The following ANKRD33B variants were observed in gnomAD, a reference collection of about 807,000 sequenced individuals.
ANKRD33B encodes the protein ankyrin repeat domain-containing protein 33B.
ANKRD33B carries 6 observed loss-of-function variants against 21.5 expected under a neutral mutation model. The observed-to-expected ratio is 0.28, with a 90% CI of 0.15 to 0.55. ANKRD33B has a LOEUF of 0.55. Ranked by LOEUF, ANKRD33B falls within the 20% of genes least tolerant of loss-of-function variation. The probability of loss-of-function intolerance (pLI) is 0.94; values close to 1 mark genes in which losing one functional copy is unlikely to be tolerated. For missense variants in ANKRD33B, 698 were observed against 747.2 expected, an observed-to-expected ratio of 0.93 and a Z score of 0.77; for synonymous variants, 347 against 342.4, an observed-to-expected ratio of 1.01 and a Z score of -0.15.
At chr5:10,566,038 G>T (rs1055341718) in intron 1 of ANKRD33B, among the ~76,000 whole-genome samples, 2 of 152,154 alleles carry the variant, frequency 1.3e-5, no homozygotes, top group Non-Finnish European at 2.9e-5. Flanking sequence ...CTCTCCCCTT[G>T]TACTACATTG....
At position 10,653,936 on chromosome 5, in the gene ANKRD33B, CAGT is replaced by C. The variant is rs1352978760; in HGVS notation, c.*3824_*3826del. 4 of 152,536 alleles carry C rather than the reference CAGT, an allele frequency of 2.6e-5. No homozygotes were observed. Among genetic ancestry groups the C allele is most frequent in the African/African-American group, 9.6e-5 (4 of 41,466 alleles). 9.4% of individuals were successfully genotyped at this position (152,536 alleles called of 1,614,324 possible). A position where few individuals can be genotyped will look rare whatever the true frequency, so the allele number is the denominator to read the frequency against. On this transcript the variant is annotated 3_prime_UTR_variant, in exon 4 of 4. Coordinates refer to ENST00000296657, the MANE Select transcript of ANKRD33B (RefSeq NM_001164440.2). ...GCACCGACCCCTTCTCTTCACCTGT[CAGT>C]GGCCACCACAGTGCCCCCTCTGGCT...
At chr5:10,632,128 C>T (rs1736734219) in intron 2 of ANKRD33B, among the ~76,000 whole-genome samples, 1 of 151,784 alleles carries the variant, frequency 6.6e-6, no homozygotes. Flanking sequence ...GGGGTCGGTT[C>T]AGTCCGTTGG....
At chr5:10,634,642 TAG>T (rs1342808874) in intron 2 of ANKRD33B, among the ~76,000 whole-genome samples, 1 of 151,520 alleles carries the variant, frequency 6.6e-6, no homozygotes, top group Non-Finnish European at 1.5e-5. Context: ...GTATTTTTAG[TAG>T]AGACAGGCAC....
chr5:10,625,716 T>A (rs1372990025), intron 2 of ANKRD33B, among the ~76,000 whole-genome samples: 1 of 152,236 alleles, frequency 6.6e-6, no homozygotes, highest in African/African-American at 2.4e-5. Context: ...AAGAGGATAT[T>A]GTGTAAAATG....
chr5:10,582,904 A>G (rs994130746), intron 1 of ANKRD33B, among the ~76,000 whole-genome samples: 2 of 151,654 alleles, frequency 1.3e-5, no homozygotes, highest in South Asian at 2.1e-4. Context: ...GGTCAGCTCC[A>G]TGAGGGAGAT....
intron 1 of ANKRD33B, among the ~76,000 whole-genome samples, chr5:10,580,663 G>C: frequency 6.6e-6 from 1 of 152,072 alleles, no homozygotes; most frequent in East Asian, 1.9e-4. Context: ...GCTCTGTGGA[G>C]AGTAGGCCAG....
intron 2 of ANKRD33B, among the ~76,000 whole-genome samples, chr5:10,631,883 T>C (rs921729835): frequency 5.9e-5 from 9 of 152,184 alleles, no homozygotes; most frequent in African/African-American, 2.2e-4. Flanking sequence ...GTGTCTCTCA[T>C]GAGGACGGAA....
At chr5:10,570,932 A>T (rs1735170364) in intron 1 of ANKRD33B, among the ~76,000 whole-genome samples, 1 of 142,306 alleles carries the variant, frequency 7.0e-6, no homozygotes, top group Non-Finnish European at 1.5e-5. Flanking sequence ...GTCAATTAGG[A>T]CTCATTAAAG....
intron 2 of ANKRD33B, among the ~76,000 whole-genome samples, chr5:10,633,391 G>A (rs1372665250): frequency 2.6e-5 from 4 of 152,012 alleles, no homozygotes; most frequent in African/African-American, 7.2e-5. Flanking sequence ...GCGCCACTGC[G>A]CCAAGCCTAT....
chr5:10,618,951 A>G (rs979267118), intron 2 of ANKRD33B, among the ~76,000 whole-genome samples: 5 of 152,166 alleles, frequency 3.3e-5, no homozygotes, highest in Non-Finnish European at 7.4e-5. Context: ...AGCTGAGATG[A>G]AGTCAGTGGG....
rs1010552009 is a variant in ANKRD33B at position 10,643,835 on chromosome 5, A to G, written c.638-5431A>G. ...ACTCTGTCTCAAAAAAAAAAAAAAA[A>G]AAAAAAGAGAAGTGACATCTTGTTT... On this transcript the variant is annotated intron_variant, in intron 3 of 3. Coordinates refer to ENST00000296657, the MANE Select transcript of ANKRD33B (RefSeq NM_001164440.2). Among the ~76,000 whole-genome samples the G allele has an allele frequency of 1.6e-3, 238 of 151,554 alleles. 1 individual carries two copies. Among genetic ancestry groups the G allele is most frequent in the African/African-American group, 5.5e-3 (227 of 41,358 alleles).
rs1013377060 is a variant in ANKRD33B, at chr5:10,652,267, C to T, written c.*2154C>T. Reference sequence around the variant, plus strand: ...ACCCCTGCTGTGAAGGTTCTCAAGGCCCTGGTCCGGGGAGCCAAGCCCTGG... The same window carrying T: ...ACCCCTGCTGTGAAGGTTCTCAAGGTCCTGGTCCGGGGAGCCAAGCCCTGG... On this transcript the variant is annotated 3_prime_UTR_variant, in exon 4 of 4. Transcript: ENST00000296657. This position sits in a 1 kb window ranked among gnomAD's most constrained non-coding sequence, Gnocchi z 4.1. The T allele has an allele frequency of 1.3e-5, 2 of 152,448 alleles. No homozygotes were observed. The highest frequency in any genetic ancestry group is 6.5e-5 in the Admixed American group (1 of 15,280). The allele number at this position is 152,448 out of a possible 1,614,324, so 9.4% of individuals were successfully genotyped here.
chr5:10,580,525 T>G (rs1458100349), intron 1 of ANKRD33B, among the ~76,000 whole-genome samples: 5 of 152,066 alleles, frequency 3.3e-5, no homozygotes, highest in Admixed American at 3.3e-4. Flanking sequence ...CCTGCCACCC[T>G]TCAGGTTTTC....
chr5:10,618,553 G>A lies in ANKRD33B; in HGVS notation c.496+91G>A. 2.8e-6 allele frequency: 4 copies of A among 1,428,248 alleles called. No individual in the cohort carries two copies. In the East Asian group the frequency reaches 1.0e-4, roughly 36 times the overall value. 88.5% of individuals were successfully genotyped at this position (1,428,248 alleles called of 1,614,324 possible). A position where few individuals can be genotyped will look rare whatever the true frequency, so the allele number is the denominator to read the frequency against. On this transcript the variant is annotated intron_variant, in intron 2 of 3. Transcript: ENST00000296657. The stretch of plus-strand genomic sequence containing the variant: ...GCTCCCGTTGCGATGCAGTCAGGAT[G>A]GAAATGATCAGAGACCATGTCCTGC...
chr5:10,610,996 A>T (rs1736159034), intron 1 of ANKRD33B, among the ~76,000 whole-genome samples: 2 of 152,210 alleles, frequency 1.3e-5, no homozygotes, highest in Non-Finnish European at 2.9e-5. Context: ...GTAAGCTGAG[A>T]TTGCGCCACT....
intron 1 of ANKRD33B, among the ~76,000 whole-genome samples, chr5:10,601,864 A>G (rs1735940815): frequency 6.6e-6 from 1 of 152,188 alleles, no homozygotes; most frequent in Admixed American, 6.5e-5. Flanking sequence ...ACCCCAGCCT[A>G]TGACAGGGGG....
chr5:10,586,277 C>T (rs963599542), intron 1 of ANKRD33B, among the ~76,000 whole-genome samples: 1 of 152,158 alleles, frequency 6.6e-6, no homozygotes, highest in Non-Finnish European at 1.5e-5. Flanking sequence ...GTGGATTTCA[C>T]TTCCCACGAT....
At chr5:10,590,838 G>A (rs1735669668) in intron 1 of ANKRD33B, among the ~76,000 whole-genome samples, 1 of 152,088 alleles carries the variant, frequency 6.6e-6, no homozygotes, top group South Asian at 2.1e-4. Context: ...CTTAGGGAAA[G>A]CCATGAGAAT....
At position 10,652,806 on chromosome 5, in the gene ANKRD33B, G is replaced by A; in HGVS notation, c.*2693G>A. The A allele has an allele frequency of 3.4e-6, 1 of 296,178 alleles. No individual in the cohort carries two copies. The highest frequency in any genetic ancestry group is 3.0e-5 in the South Asian group (1 of 33,458). 18.3% of individuals were successfully genotyped at this position (296,178 alleles called of 1,614,324 possible). The stretch of plus-strand genomic sequence containing the variant: ...CAGGATACTCTGGGGCCAGCACAGG[G>A]ATTGTCCAGTGATGCTCCTGGTGTC... On this transcript the variant is annotated 3_prime_UTR_variant, in exon 4 of 4. Transcript: ENST00000296657. The surrounding 1 kb of genome is among the most constrained non-coding windows in gnomAD (Gnocchi z 4.1).
Sources: gnomAD v4.1 joint callset for allele counts (sites outside exome capture counted in the v4.1 genomes callset) on GRCh38, gnomAD v4.1.1 for gene constraint, Gnocchi (gnomAD v3.1) non-coding constraint, MANE v1.5 for transcripts, NCBI Gene and HGNC (gene_info 2026-07-23, HGNC 2026-07-21) for gene names.